The following OSBPL10 variants were observed in gnomAD, a reference collection of about 807,000 sequenced individuals.
OSBPL10 encodes oxysterol binding protein like 10.
OSBPL10 carries 49 observed loss-of-function variants against 81.7 expected under a neutral mutation model. The observed-to-expected ratio is 0.60, with a 90% CI of 0.48 to 0.76. The LOEUF (loss-of-function observed/expected upper bound fraction) is 0.76, where lower values mean the gene tolerates loss of function less well. OSBPL10 is among the 30% of genes least tolerant of loss of function. The probability of loss-of-function intolerance (pLI) is 0.00; values close to 1 mark genes in which losing one functional copy is unlikely to be tolerated. For synonymous variants in OSBPL10, 419 were observed against 383.6 expected (o/e 1.09, Z -1.08); for missense variants, 923 against 987.8 (o/e 0.93, Z 0.88).
chr3:31,989,087 G>T (rs185860232), intron 2 of OSBPL10: 1 of 1,614,136 alleles, frequency 6.2e-7, no homozygotes, highest in Non-Finnish European at 8.5e-7. Flanking sequence ...CTCATGTTAC[G>T]TGAGGAAGCA....
chr3:32,076,284 C>T (rs1004291638), intron 1 of OSBPL10, among the ~76,000 whole-genome samples: 5 of 151,908 alleles, frequency 3.3e-5, no homozygotes, highest in African/African-American at 9.7e-5. Context: ...AAGAGAATGG[C>T]GTGAACCCAG....
intron 1 of OSBPL10, among the ~76,000 whole-genome samples, chr3:31,949,653 G>A (rs1697809833): frequency 1.1e-5 from 1 of 93,156 alleles, no homozygotes; most frequent in Non-Finnish European, 1.9e-5. Flanking sequence ...GGGCAACAGA[G>A]CAAGACTCTG....
intron 1 of OSBPL10, among the ~76,000 whole-genome samples, chr3:31,885,390 G>A (rs1215971875): frequency 2.6e-5 from 4 of 152,058 alleles, no homozygotes; most frequent in Non-Finnish European, 5.9e-5. Flanking sequence ...CACCCTTGAA[G>A]GTGCATTTGC....
Position 31,879,757 on chromosome 3 carries a change from G to A in OSBPL10, c.355C>T (p.Arg119Ter), listed in dbSNP as rs1183988221. 17 of 1,614,026 alleles carry A rather than the reference G, an allele frequency of 1.1e-5. No homozygotes were observed. The highest frequency in any genetic ancestry group is 4.5e-5 in the East Asian group (2 of 44,892). ...GCTCCAGATAAAGACAGGACTCCTC[G>A]AGGCTTCTGGTGTTTGCTTTGCTCA... ...VNEQSKHQKPRGVLSLSGAIV... is the reference protein window; with the variant it reads ...VNEQSKHQKP Residue 119 changes from arginine (R) to a stop codon, truncating the protein, a stop_gained, in exon 2 of 12, where the codon CGA becomes TGA. Transcript: ENST00000396556. LOFTEE classifies it high-confidence loss of function.
intron 3 of OSBPL10, among the ~76,000 whole-genome samples, chr3:31,847,656 G>C (rs1045798372): frequency 1.3e-5 from 2 of 152,122 alleles, no homozygotes; most frequent in African/African-American, 4.8e-5. Context: ...CACTGAGAGA[G>C]AGAATACATT....
At chr3:31,955,850 G>A (rs1370506101) in intron 1 of OSBPL10, among the ~76,000 whole-genome samples, 2 of 152,182 alleles carry the variant, frequency 1.3e-5, no homozygotes, top group Non-Finnish European at 2.9e-5. Context: ...GAGAGTGAGA[G>A]GGGAACAACA....
intron 2 of OSBPL10, among the ~76,000 whole-genome samples, chr3:32,037,348 C>T (rs532517949): frequency 7.9e-5 from 12 of 152,278 alleles, no homozygotes; most frequent in East Asian, 1.9e-4. Flanking sequence ...AGTTTTGCTT[C>T]TTTCAGAAAG....
intron 1 of OSBPL10, among the ~76,000 whole-genome samples, chr3:31,910,592 T>C (rs1297186746): frequency 6.6e-6 from 1 of 151,612 alleles, no homozygotes; most frequent in Non-Finnish European, 1.5e-5. Flanking sequence ...GCCAAGATCA[T>C]GCCACTGCAC....
chr3:31,749,590 G>C (rs1697650091), intron 4 of OSBPL10, among the ~76,000 whole-genome samples: 1 of 152,124 alleles, frequency 6.6e-6, no homozygotes, highest in South Asian at 2.1e-4. Flanking sequence ...GGAGGCGGGT[G>C]AAACACCTGA....
At chr3:31,885,812 A>G (rs34314706) in intron 1 of OSBPL10, among the ~76,000 whole-genome samples, 103,435 of 143,376 alleles carry the variant, frequency 0.72, 38,033 homozygotes, top group African/African-American at 0.86. Context: ...GTGAAACCCC[A>G]TCTCTACTAA....
chr3:31,737,724 G>A (rs1697225736), intron 5 of OSBPL10, among the ~76,000 whole-genome samples: 1 of 152,114 alleles, frequency 6.6e-6, no homozygotes, highest in South Asian at 2.1e-4. Context: ...GGGTGCAGTG[G>A]CTCATTCCTG....
chr3:32,070,775 A>G (rs1699823077), intron 1 of OSBPL10, among the ~76,000 whole-genome samples: 1 of 151,712 alleles, frequency 6.6e-6, no homozygotes, highest in Non-Finnish European at 1.5e-5. Flanking sequence ...CAACCCATAC[A>G]CTCTTTTGTC....
chr3:31,979,996 ATTTTAT>A (rs1559540582), intron 1 of OSBPL10, among the ~76,000 whole-genome samples: 4 of 150,368 alleles, frequency 2.7e-5, no homozygotes, highest in African/African-American at 9.8e-5. Context: ...ATTTTATTTT[ATTTTAT>A]TTTATTTATT....
At chr3:31,679,456 T>C (rs369244453) in intron 8 of OSBPL10, among the ~76,000 whole-genome samples, 3 of 152,232 alleles carry the variant, frequency 2.0e-5, no homozygotes, top group South Asian at 2.1e-4. Flanking sequence ...ACTTCACAAA[T>C]AAATGGATGA....
rs534988392 is a variant in OSBPL10, at chr3:32,047,661, T to G, written n.186-1058A>C. Among the ~76,000 whole-genome samples, 16 of 151,928 alleles carry G rather than the reference T, an allele frequency of 1.1e-4. No homozygotes were observed. The East Asian group carries it at 2.1e-3, about 20-fold the overall frequency. ...TGCATCTTTACTACAACCTGTTTTTTGTTTTTTGTTTTTTTTTTTGAGACG... is the reference window on the plus strand; with the variant it reads ...TGCATCTTTACTACAACCTGTTTTTGGTTTTTTGTTTTTTTTTTTGAGACG... On this transcript the variant is annotated intron_variant and non_coding_transcript_variant, in intron 1 of 3. Coordinates refer to the OSBPL10 transcript ENST00000479173.
chr3:32,021,234 G>A (rs1699360957), intron 2 of OSBPL10, among the ~76,000 whole-genome samples: 1 of 152,202 alleles, frequency 6.6e-6, no homozygotes, highest in Non-Finnish European at 1.5e-5. Context: ...GTCCATAACA[G>A]TGATTCTTTG....
chr3:31,897,157 A>G (rs1696082955), intron 1 of OSBPL10, among the ~76,000 whole-genome samples: 1 of 152,206 alleles, frequency 6.6e-6, no homozygotes, highest in Admixed American at 6.5e-5. Context: ...AAAACAAAAC[A>G]AATACCATAG....
chr3:31,776,866 G>A lies in OSBPL10; in HGVS notation c.730-28746C>T, dbSNP rs978204097. On this transcript the variant is annotated intron_variant, in intron 4 of 11. Transcript: ENST00000396556. ...GAAAATGCTTTGGAACTAGATAGAA[G>A]TGGCAGTTTCACAACACTGTGAATA... Among the ~76,000 whole-genome samples, 4 of 152,092 alleles carry A rather than the reference G, an allele frequency of 2.6e-5. No individual in the cohort carries two copies. In the East Asian group the frequency reaches 5.8e-4, roughly 22 times the overall value.
At chr3:31,794,877 T>C (rs987210860) in intron 4 of OSBPL10, 17 of 379,182 alleles carry the variant, frequency 4.5e-5, no homozygotes, top group Middle Eastern at 3.9e-4. Flanking sequence ...AAAACCTTCA[T>C]CAGCACCAGA....
Sources: allele counts gnomAD v4.1 joint callset (sites outside exome capture counted in the v4.1 genomes callset), GRCh38; gene constraint gnomAD v4.1.1; transcripts MANE v1.5; gene names NCBI Gene and HGNC (gene_info 2026-07-23, HGNC 2026-07-21).